The following KLRG1 variants were observed in gnomAD, a reference collection of about 807,000 sequenced individuals.
The protein encoded by KLRG1 is killer cell lectin-like receptor subfamily G member 1.
KLRG1 carries 16 observed loss-of-function variants against 21.8 expected under a neutral mutation model. The ratio of observed to expected loss-of-function variants is 0.73; its 90% CI spans 0.50 to 1.11. The LOEUF is 1.11. Among genes scored for constraint, KLRG1 ranks in the 50% most tolerant of loss-of-function variants. The pLI is 0.00. For synonymous variants in KLRG1, 69 were observed against 75.9 expected (o/e 0.91, Z 0.47); for missense variants, 173 against 218.3 (o/e 0.79, Z 1.31).
chr12:9,101,453 A>G, the KLRG1 span: 1 of 1,611,830 alleles, frequency 6.2e-7, no homozygotes, highest in African/African-American at 1.3e-5. Flanking sequence ...TCACCAGATA[A>G]TAGAAGGAGA....
the KLRG1 span, chr12:9,113,240 A>T: frequency 1.0e-6 from 1 of 980,852 alleles, no homozygotes; most frequent in Non-Finnish European, 1.5e-6. Context: ...TTAGTTTGCT[A>T]CATTTGGATT....
At chr12:9,159,163 T>G in the KLRG1 span, among the ~76,000 whole-genome samples, 1 of 152,118 alleles carries the variant, frequency 6.6e-6, no homozygotes, top group Non-Finnish European at 1.5e-5. Flanking sequence ...CTAACACCTC[T>G]TAGGGCTGAG....
chr12:8,999,965 G>A (rs143016050), intron 3 of KLRG1, among the ~76,000 whole-genome samples: 4,225 of 152,148 alleles, frequency 0.028, 215 homozygotes, highest in African/African-American at 0.093. Context: ...AGCCCCGGAG[G>A]CAGAGGTCTC....
At chr12:9,184,135 A>ATG in the KLRG1 span, among the ~76,000 whole-genome samples, 2 of 152,280 alleles carry the variant, frequency 1.3e-5, no homozygotes, top group African/African-American at 4.8e-5. Context: ...TTGCCAACAC[A>ATG]TGTGTGTGTG....
chr12:9,038,630 A>G, the KLRG1 span, among the ~76,000 whole-genome samples: 1 of 152,180 alleles, frequency 6.6e-6, no homozygotes, highest in Non-Finnish European at 1.5e-5. Flanking sequence ...ATGGCCAGAG[A>G]ACAATAGTAC....
chr12:9,124,215 C>G, the KLRG1 span, among the ~76,000 whole-genome samples: 1 of 151,916 alleles, frequency 6.6e-6, no homozygotes, highest in Non-Finnish European at 1.5e-5. Context: ...AAGATGTTTC[C>G]ACTTGCCAAA....
the KLRG1 span, among the ~76,000 whole-genome samples, chr12:9,209,780 A>T: frequency 6.6e-6 from 1 of 152,168 alleles, no homozygotes; most frequent in East Asian, 1.9e-4. Context: ...TAAATAATAT[A>T]TAGCATAATT....
the KLRG1 span, among the ~76,000 whole-genome samples, chr12:9,201,980 A>G: frequency 2.0e-5 from 3 of 152,192 alleles, no homozygotes; most frequent in Admixed American, 6.5e-5. Flanking sequence ...TCATAAAAGC[A>G]TAATTCTGTG....
At chr12:9,109,240 G>A in the KLRG1 span, 77 of 1,143,214 alleles carry the variant, frequency 6.7e-5, no homozygotes, top group Middle Eastern at 2.9e-3. Context: ...CACTGCTCCC[G>A]GAGAGAGTAG....
chr12:8,997,675 A>G (rs1947174395), intron 3 of KLRG1, among the ~76,000 whole-genome samples: 1 of 152,232 alleles, frequency 6.6e-6, no homozygotes. Flanking sequence ...TGAGATGCTT[A>G]CGTAGAGTTC....
chr12:9,152,094 G>A, the KLRG1 span: 1 of 750,348 alleles, frequency 1.3e-6, no homozygotes, highest in Non-Finnish European at 2.3e-6. Flanking sequence ...TTTACTTCCT[G>A]GGTTTGGGAA....
At chr12:9,211,035 A>G in the KLRG1 span, among the ~76,000 whole-genome samples, 1 of 152,196 alleles carries the variant, frequency 6.6e-6, no homozygotes, top group East Asian at 1.9e-4. Flanking sequence ...TATGAGAGGC[A>G]TGTACTTAAG....
chr12:9,077,993 A>C, the KLRG1 span: 9 of 989,062 alleles, frequency 9.1e-6, no homozygotes, highest in Non-Finnish European at 1.3e-5. Context: ...TCCTTGATTA[A>C]TCTTTAGTCT....
chr12:9,123,456 G>C, the KLRG1 span, among the ~76,000 whole-genome samples: 1 of 152,028 alleles, frequency 6.6e-6, no homozygotes, highest in South Asian at 2.1e-4. Flanking sequence ...TAAGTGACTG[G>C]GGTGGGGGTT....
At chr12:9,101,836 T>C in the KLRG1 span, among the ~76,000 whole-genome samples, 1 of 152,218 alleles carries the variant, frequency 6.6e-6, no homozygotes, top group South Asian at 2.1e-4. Flanking sequence ...GTTTCTCTGC[T>C]TCAAATGTAG....
chr12:9,193,980 A>G, the KLRG1 span: 3 of 1,189,570 alleles, frequency 2.5e-6, no homozygotes, highest in East Asian at 7.2e-5. Context: ...ATATCTTCTT[A>G]TTTCTTACTC....
the KLRG1 span, chr12:9,196,520 T>A: frequency 6.4e-7 from 1 of 1,571,594 alleles, no homozygotes. Flanking sequence ...TTTATTTTGT[T>A]ATGGAAAGTA....
chr12:9,101,458 A>C, the KLRG1 span: 23 of 1,613,452 alleles, frequency 1.4e-5, no homozygotes, highest in Non-Finnish European at 1.9e-5. Flanking sequence ...AGATAATAGA[A>C]GGAGAGCTTC....
the KLRG1 span, chr12:9,077,785 G>A: frequency 6.2e-7 from 1 of 1,614,140 alleles, no homozygotes; most frequent in Admixed American, 1.7e-5. Flanking sequence ...TGAGGGCTTG[G>A]GTAATGTGTG....
Sources: allele counts gnomAD v4.1 joint callset (sites outside exome capture counted in the v4.1 genomes callset), GRCh38; gene constraint gnomAD v4.1.1; transcripts MANE v1.5; gene names NCBI Gene and HGNC (gene_info 2026-07-23, HGNC 2026-07-21).